EPM2A: variants seen among roughly 807,000 people sequenced by gnomAD.
The protein encoded by EPM2A is EPM2A glucan phosphatase, laforin.
In EPM2A, 21 loss-of-function variants were observed where a neutral mutation model predicts 26.5. The observed-to-expected ratio is 0.79, with a 90% confidence interval of 0.56 to 1.14. The LOEUF (loss-of-function observed/expected upper bound fraction) is 1.14. Among genes scored for constraint, EPM2A ranks in the 50% most tolerant of loss-of-function variants. The pLI is 0.00. For missense variants in EPM2A, 458 were observed against 440.8 expected (o/e 1.04, Z -0.35); for synonymous variants, 217 against 177.6 (o/e 1.22, Z -1.76).
At chr6:145,425,619 A>G (rs1370373864) in intron 4 of EPM2A, among the ~76,000 whole-genome samples, 1 of 139,980 alleles carries the variant, frequency 7.1e-6, no homozygotes, top group Non-Finnish European at 1.5e-5. Context: ...ATTGTCAGAT[A>G]TTTGAGAATG....
chr6:145,424,008 T>C (rs1778822065), intron 4 of EPM2A, among the ~76,000 whole-genome samples: 1 of 152,026 alleles, frequency 6.6e-6, no homozygotes, highest in Admixed American at 6.6e-5. Context: ...ATCAACAAGG[T>C]GAAATAGCTA....
chr6:145,668,731 CTG>C (rs1779422932), intron 2 of EPM2A, among the ~76,000 whole-genome samples: 1 of 152,118 alleles, frequency 6.6e-6, no homozygotes, highest in Non-Finnish European at 1.5e-5. Context: ...TGAGGGGACA[CTG>C]TGTGAGATGA....
intron 4 of EPM2A, chr6:145,491,188 C>G (rs1237758125): frequency 4.0e-5 from 19 of 475,192 alleles, no homozygotes; most frequent in Non-Finnish European, 3.2e-5. Context: ...CATAATGAAG[C>G]AGGAAATTTT....
At chr6:145,691,987 T>C (rs1379428670) in intron 1 of EPM2A, among the ~76,000 whole-genome samples, 1 of 152,008 alleles carries the variant, frequency 6.6e-6, no homozygotes, top group African/African-American at 2.4e-5. Flanking sequence ...CTAGAAGCAA[T>C]TCACTTCAAA....
intron 4 of EPM2A, among the ~76,000 whole-genome samples, chr6:145,409,145 T>C (rs1562323906): frequency 1.3e-5 from 2 of 152,186 alleles, no homozygotes; most frequent in African/African-American, 4.8e-5. Context: ...GTATTAATTA[T>C]CCTTTAAAGA....
intron 4 of EPM2A, among the ~76,000 whole-genome samples, chr6:145,473,500 A>T (rs1779503155): frequency 6.6e-6 from 1 of 152,132 alleles, no homozygotes; most frequent in Admixed American, 6.6e-5. Context: ...AGTTTACTCA[A>T]AGGGATAATA....
intron 4 of EPM2A, among the ~76,000 whole-genome samples, chr6:145,445,201 C>A (rs1269149708): frequency 6.6e-6 from 1 of 152,092 alleles, no homozygotes; most frequent in African/African-American, 2.4e-5. Flanking sequence ...AGTATGTACA[C>A]AGCCCTAGGC....
At chr6:145,428,272 T>A (rs1778877689) in intron 4 of EPM2A, among the ~76,000 whole-genome samples, 1 of 152,204 alleles carries the variant, frequency 6.6e-6, no homozygotes, top group African/African-American at 2.4e-5. Context: ...ATAAGTTCTA[T>A]ATCACTGTTC....
intron 4 of EPM2A, among the ~76,000 whole-genome samples, chr6:145,423,227 T>C (rs577114356): frequency 2.5e-4 from 38 of 152,312 alleles, no homozygotes; most frequent in Non-Finnish European, 4.3e-4. Flanking sequence ...CTTCCAAAGA[T>C]TGTATTGCTT....
intron 4 of EPM2A, among the ~76,000 whole-genome samples, chr6:145,442,812 G>T (rs1411569533): frequency 6.6e-6 from 1 of 151,894 alleles, no homozygotes; most frequent in Non-Finnish European, 1.5e-5. Flanking sequence ...GGTTACTGTA[G>T]CCTTGTAGTA....
rs565704199 is a variant in EPM2A, at chr6:145,558,514, CATA to C, written c.341-55942_341-55940del. 3.3e-3 allele frequency among the ~76,000 whole-genome samples: 507 copies of C among 152,082 alleles called. 1 individual carries two copies. Among genetic ancestry groups the C allele is most frequent in the Non-Finnish European group, 5.2e-3 (356 of 67,940 alleles). On this transcript the variant is annotated intron_variant, in intron 2 of 3. Transcript: ENST00000450221. ...TTTGAGGAAGCTCCATACTGTTTTA[CATA>C]ATGTCTGTACTAATTTACACTCCAA...
chr6:145,517,743 G>A (rs761043118), intron 2 of EPM2A, among the ~76,000 whole-genome samples: 1 of 152,130 alleles, frequency 6.6e-6, no homozygotes, highest in Non-Finnish European at 1.5e-5. Flanking sequence ...CAGGAGCCAG[G>A]CAGGCACTTA....
At chr6:145,606,140 GAA>G in intron 2 of EPM2A, among the ~76,000 whole-genome samples, 1 of 151,830 alleles carries the variant, frequency 6.6e-6, no homozygotes, top group Non-Finnish European at 1.5e-5. Flanking sequence ...AACAAAACCA[GAA>G]AAGTTTTACT....
At position 145,452,370 on chromosome 6, in the gene EPM2A, T is replaced by C. The variant is rs549499274; in HGVS notation, c.555+50152A>G. On this transcript the variant is annotated intron_variant, in intron 4 of 4. Coordinates refer to the EPM2A transcript ENST00000638717. ...GCTAATATGTCTGCTTCTGTCTAAA[T>C]TTCAGATGTTGTTTCTCTATCAGTA... is the stretch of plus-strand genomic sequence containing the variant. Among the ~76,000 whole-genome samples, 44 of 151,812 alleles carry C rather than the reference T, an allele frequency of 2.9e-4. 1 individual carries two copies. The South Asian group carries it at 8.1e-3, about 28-fold the overall frequency.
At chr6:145,681,643 A>T (rs1211020222) in intron 2 of EPM2A, among the ~76,000 whole-genome samples, 2 of 151,688 alleles carry the variant, frequency 1.3e-5, no homozygotes, top group Non-Finnish European at 2.9e-5. Context: ...CATTTATTAA[A>T]TAGGGAATCC....
intron 1 of EPM2A, among the ~76,000 whole-genome samples, chr6:145,702,378 C>T (rs1295131667): frequency 1.3e-5 from 2 of 152,010 alleles, no homozygotes; most frequent in Non-Finnish European, 2.9e-5. Context: ...AAGATTCAGA[C>T]TCAGACTTCA....
intron 2 of EPM2A, among the ~76,000 whole-genome samples, chr6:145,584,882 A>G (rs1781167757): frequency 6.6e-6 from 1 of 152,050 alleles, no homozygotes; most frequent in Non-Finnish European, 1.5e-5. Context: ...TCCATGGGAG[A>G]TGTCCCTCCG....
At chr6:145,705,520 A>C (rs766277060) in intron 1 of EPM2A, 27 of 455,608 alleles carry the variant, frequency 5.9e-5, no homozygotes, top group Non-Finnish European at 9.7e-5. Flanking sequence ...ACGCCACTGC[A>C]CTCCAGCCTG....
intron 4 of EPM2A, among the ~76,000 whole-genome samples, chr6:145,399,625 T>C (rs12190268): frequency 0.11 from 16,825 of 152,148 alleles, 977 homozygotes; most frequent in South Asian, 0.17. Context: ...CTAAATTATT[T>C]GACAATTTAG....
Sources: allele counts gnomAD v4.1 joint callset (sites outside exome capture counted in the v4.1 genomes callset), GRCh38; gene constraint gnomAD v4.1.1; transcripts MANE v1.5; gene names NCBI Gene and HGNC (gene_info 2026-07-23, HGNC 2026-07-21).